ZNF35: variants seen among roughly 807,000 people sequenced by gnomAD.
ZNF35 encodes zinc finger protein 35.
A neutral mutation model predicts 45.9 loss-of-function variants in ZNF35; 31 were observed. The ratio of observed to expected loss-of-function variants is 0.68; its 90% CI spans 0.51 to 0.91. The LOEUF is 0.91. Ranked by LOEUF, ZNF35 falls within the 40% of genes least tolerant of loss-of-function variation. The pLI is 0.00. For missense variants in ZNF35, 515 were observed against 625.4 expected (o/e 0.82, Z 1.88); for synonymous variants, 205 against 220.2 (o/e 0.93, Z 0.61).
chr3:44,651,765 A>G (rs1429659294), intron 2 of ZNF35, among the ~76,000 whole-genome samples: 3 of 151,784 alleles, frequency 2.0e-5, no homozygotes, highest in South Asian at 2.1e-4. Flanking sequence ...CCTTGGAGGC[A>G]TAGGTTGCAG....
intron 1 of ZNF35, among the ~76,000 whole-genome samples, chr3:44,650,082 G>A (rs1048371705): frequency 6.6e-6 from 1 of 152,108 alleles, no homozygotes; most frequent in Admixed American, 6.6e-5. Flanking sequence ...GTGTGTGTGT[G>A]TGTGTGTGTG....
Sources: gnomAD v4.1 joint callset for allele counts (sites outside exome capture counted in the v4.1 genomes callset) on GRCh38, gnomAD v4.1.1 for gene constraint, MANE v1.5 for transcripts, NCBI Gene and HGNC (gene_info 2026-07-23, HGNC 2026-07-21) for gene names.